The following ELFN1 variants were observed in gnomAD, a reference collection of about 807,000 sequenced individuals.
The protein encoded by ELFN1 is extracellular leucine rich repeat and fibronectin type III domain containing 1.
Under a neutral mutation model 7.6 loss-of-function variants are expected in ELFN1, and 6 were observed. The observed-to-expected ratio is 0.79, with a 90% CI of 0.43 to 1.56. The LOEUF (loss-of-function observed/expected upper bound fraction) is 1.56, where lower values mean the gene tolerates loss of function less well. ELFN1 is among the 40% of genes most tolerant of loss of function. The pLI is 0.01. For missense variants in ELFN1, 1,169 were observed against 1,232.2 expected, an observed-to-expected ratio of 0.95 and a Z score of 0.77; for synonymous variants, 657 against 588.1, an observed-to-expected ratio of 1.12 and a Z score of -1.70.
At chr7:1,712,010 C>T (rs899346512) in intron 3 of ELFN1, among the ~76,000 whole-genome samples, 10 of 152,188 alleles carry the variant, frequency 6.6e-5, no homozygotes, top group African/African-American at 1.4e-4. Flanking sequence ...CTGGGCTGTG[C>T]GGACCCCAGG....
chr7:1,687,576 A>G (rs1779082510), intron 1 of ELFN1, among the ~76,000 whole-genome samples: 1 of 152,214 alleles, frequency 6.6e-6, no homozygotes, highest in African/African-American at 2.4e-5. Flanking sequence ...ATTTAATTCT[A>G]AGGAAATAAA....
chr7:1,745,148 G>A lies in ELFN1; in HGVS notation c.552G>A (p.Val184=). 6.5e-7 allele frequency: 1 copy of A among 1,550,316 alleles called. No individual in the cohort carries two copies. The highest frequency in any genetic ancestry group is 8.7e-7 in the Non-Finnish European group (1 of 1,146,992). The change falls in exon 4 of 4, where the codon GTG becomes GTA. Residue 184 remains valine (V), a synonymous_variant. Coordinates refer to ENST00000424383, the MANE Select transcript of ELFN1 (RefSeq NM_001128636.4). ...TCGCCGGCCTGGCCAAGCTGTCGGT[G>A]TGCGAGCTCTACAGCAACCCCTTCT... The part of the protein sequence containing the change: ...GTFAGLAKLS[V]CELYSNPFYC...
intron 3 of ELFN1, among the ~76,000 whole-genome samples, chr7:1,736,910 C>T (rs1780464251): frequency 6.6e-6 from 1 of 152,036 alleles, no homozygotes; most frequent in Non-Finnish European, 1.5e-5. Flanking sequence ...TCTCCTCCCA[C>T]CCCTTCTGAG....
intron 3 of ELFN1, among the ~76,000 whole-genome samples, chr7:1,724,958 G>T (rs542724818): frequency 6.6e-6 from 1 of 152,316 alleles, no homozygotes; most frequent in South Asian, 2.1e-4. Flanking sequence ...TGAGGTGCTA[G>T]CCCCCTCCCC....
chr7:1,682,567 A>G (rs1050996063), intron 1 of ELFN1, among the ~76,000 whole-genome samples: 4 of 151,494 alleles, frequency 2.6e-5, no homozygotes, highest in South Asian at 2.1e-4. Flanking sequence ...CAGCCTCCCA[A>G]GTGTTTGGGA....
chr7:1,727,265 A>C (rs978730388), intron 3 of ELFN1, among the ~76,000 whole-genome samples: 1 of 152,212 alleles, frequency 6.6e-6, no homozygotes, highest in Non-Finnish European at 1.5e-5. Context: ...TCCACCATGC[A>C]GTCTTGCTCT....
At chr7:1,697,384 C>T in intron 2 of ELFN1, among the ~76,000 whole-genome samples, 1 of 152,200 alleles carries the variant, frequency 6.6e-6, no homozygotes, top group Admixed American at 6.5e-5. Context: ...GGGGCCTGTG[C>T]AGGGAGGAGC....
chr7:1,667,275 A>G (rs1209088619), upstream of ELFN1, among the ~76,000 whole-genome samples: 2 of 151,708 alleles, frequency 1.3e-5, no homozygotes, highest in African/African-American at 4.8e-5. This position sits in a 1 kb window ranked among gnomAD's most constrained non-coding sequence, Gnocchi z 8.2. Flanking sequence ...CTGCCCAGGG[A>G]GGAGCAGGGA....
At chr7:1,711,567 CGAGAGAGTGAGA>C (rs1313504164) in intron 3 of ELFN1, among the ~76,000 whole-genome samples, 3 of 35,050 alleles carry the variant, frequency 8.6e-5, no homozygotes, top group African/African-American at 2.2e-4. Context: ...GAAGAGAGAG[CGAGAGAGTGAGA>C]GAGAGAGAGA....
rs1780767456 is a variant in ELFN1 at position 1,745,894 on chromosome 7, T to C, written c.1298T>C (p.Leu433Pro). Residue 433 changes from leucine (L) to proline (P), a missense_variant, in exon 4 of 4, where the codon CTG becomes CCG. Coordinates refer to ENST00000424383, the MANE Select transcript of ELFN1 (RefSeq NM_001128636.4). ...LGCLFGMVLVLGAVYYCLRRR... is the reference protein window; with the variant it reads ...LGCLFGMVLVPGAVYYCLRRR... ...TGCCTCTTCGGCATGGTGCTGGTGC[T>C]GGGCGCCGTCTACTACTGCCTGCGC... is the stretch of plus-strand genomic sequence containing the variant. The C allele has an allele frequency of 6.3e-7, 1 of 1,589,132 alleles. No individual in the cohort carries two copies. The highest frequency in any genetic ancestry group is 1.1e-5 in the South Asian group (1 of 87,690).
chr7:1,712,214 C>T (rs1583348397), intron 3 of ELFN1, among the ~76,000 whole-genome samples: 1 of 152,304 alleles, frequency 6.6e-6, no homozygotes, highest in African/African-American at 2.4e-5. Flanking sequence ...GAAGGAGTCT[C>T]GCTCTGTCGC....
chr7:1,710,880 A>G (rs1185468141), intron 3 of ELFN1, among the ~76,000 whole-genome samples: 1 of 152,188 alleles, frequency 6.6e-6, no homozygotes, highest in Non-Finnish European at 1.5e-5. Context: ...CAACTTTCTC[A>G]TTTATAGATA....
At chr7:1,669,774 C>G (rs1778725621), upstream of ELFN1, among the ~76,000 whole-genome samples, 1 of 152,176 alleles carries the variant, frequency 6.6e-6, no homozygotes, top group Admixed American at 6.5e-5. Flanking sequence ...AAGGGGCGGA[C>G]CGACGGGAGG....
At chr7:1,722,042 CTGA>C (rs944577499) in intron 3 of ELFN1, among the ~76,000 whole-genome samples, 1 of 152,176 alleles carries the variant, frequency 6.6e-6, no homozygotes, top group African/African-American at 2.4e-5. Flanking sequence ...CTGGGAATGG[CTGA>C]CCTGGTCAGG....
intron 2 of ELFN1, among the ~76,000 whole-genome samples, chr7:1,706,532 C>A (rs894525989): frequency 2.6e-5 from 4 of 152,256 alleles, no homozygotes; most frequent in Non-Finnish European, 2.9e-5. Context: ...CCACCCTCCA[C>A]GACATGCAAA....
intron 3 of ELFN1, among the ~76,000 whole-genome samples, chr7:1,709,572 G>A (rs556192977): frequency 6.6e-6 from 1 of 152,230 alleles, no homozygotes; most frequent in Non-Finnish European, 1.5e-5. Flanking sequence ...GACAAGCCAG[G>A]ATCAGCCCTG....
In ELFN1 at chr7:1,695,059, T is replaced by C. The variant is rs960264981; in HGVS notation, c.-456+6909T>C. On this transcript the variant is annotated intron_variant, in intron 2 of 3. Coordinates refer to ENST00000424383, the MANE Select transcript of ELFN1 (RefSeq NM_001128636.4). This position sits in a 1 kb window ranked among gnomAD's most constrained non-coding sequence, Gnocchi z 5.1. ...GCACATGTGCCCATCCCCCTCACTT[T>C]GAGTTACGCTGCAGACGGCTCCGGA... Among the ~76,000 whole-genome samples, 9 of 152,060 alleles carry C rather than the reference T, an allele frequency of 5.9e-5. No homozygotes were observed. Among genetic ancestry groups the C allele is most frequent in the African/African-American group, 2.2e-4 (9 of 41,422 alleles).
Position 1,746,986 on chromosome 7 carries a change from G to T in ELFN1, c.2390G>T (p.Gly797Val). 6.4e-7 allele frequency: 1 copy of T among 1,562,144 alleles called. No homozygotes were observed. The change falls in exon 4 of 4, where the codon GGC becomes GTC. Residue 797 changes from glycine (G) to valine (V), a missense_variant. Physicochemically the swap from Gly to Val is moderately radical, Grantham distance 109. Transcript: ENST00000424383. Reference protein sequence around the residue: ...HKEEEEFMAAGHALRKKVQFA... With the variant: ...HKEEEEFMAAVHALRKKVQFA... ...GAGGAAGAGGAGTTCATGGCCGCGG[G>T]CCATGCCCTGCGCAAGAAGGTTCAG...
rs1780554050 is a variant in ELFN1 at position 1,739,705 on chromosome 7, G to T, written c.-293-4599G>T. Among the ~76,000 whole-genome samples the T allele has an allele frequency of 2.0e-5, 3 of 152,260 alleles. No individual in the cohort carries two copies. The South Asian group carries it at 6.2e-4, about 32-fold the overall frequency. ...GGAGTGGAGAGGGCGGCAGGAGGGA[G>T]CCAGCAGCTTCCTGGGCCAAGGGCT... On this transcript the variant is annotated intron_variant, in intron 3 of 3. Transcript: ENST00000424383. This position sits in a 1 kb window ranked among gnomAD's most constrained non-coding sequence, Gnocchi z 4.6.
Sources: allele counts gnomAD v4.1 joint callset (sites outside exome capture counted in the v4.1 genomes callset), GRCh38; gene constraint gnomAD v4.1.1; non-coding constraint Gnocchi (gnomAD v3.1); transcripts MANE v1.5; gene names NCBI Gene and HGNC (gene_info 2026-07-23, HGNC 2026-07-21).